The following DPH6 variants were observed in gnomAD, a reference collection of about 807,000 sequenced individuals.
DPH6 encodes diphthine--ammonia ligase.
DPH6 carries 33 observed loss-of-function variants against 38.2 expected under a neutral mutation model. That is an observed-to-expected ratio of 0.86 (90% CI 0.65 to 1.15). DPH6 has a LOEUF of 1.15. Among genes scored for constraint, DPH6 ranks in the 50% most tolerant of loss-of-function variants. DPH6 has a pLI of 0.00. For missense variants in DPH6, 325 were observed against 320.0 expected (o/e 1.02, Z -0.12); for synonymous variants, 108 against 103.0 (o/e 1.05, Z -0.30).
intron 3 of DPH6, chr15:35,238,241 G>A (rs1352773158): frequency 2.6e-6 from 1 of 387,760 alleles, no homozygotes; most frequent in Non-Finnish European, 4.6e-6. Flanking sequence ...GCGGGTGGGG[G>A]TGGAATAAAA....
At chr15:35,199,538 G>A in the DPH6 span, among the ~76,000 whole-genome samples, 1 of 152,148 alleles carries the variant, frequency 6.6e-6, no homozygotes, top group Admixed American at 6.5e-5. Flanking sequence ...TGAGACTACA[G>A]TTCATTTAAC....
chr15:35,545,679 A>T (rs1435406870), intron 1 of DPH6, among the ~76,000 whole-genome samples: 1 of 152,176 alleles, frequency 6.6e-6, no homozygotes, highest in Non-Finnish European at 1.5e-5. Flanking sequence ...GAAGAGGACG[A>T]AGAAAGCGAG....
At chr15:35,283,045 T>C (rs1435136826) in intron 3 of DPH6, 1 of 176,926 alleles carries the variant, frequency 5.7e-6, no homozygotes, top group Non-Finnish European at 1.2e-5. Context: ...CTTCTTCTTC[T>C]TCCTTCTTCT....
At chr15:35,214,929 G>A (rs1387370888), downstream of DPH6, among the ~76,000 whole-genome samples, 3 of 152,058 alleles carry the variant, frequency 2.0e-5, no homozygotes, top group South Asian at 4.1e-4. Flanking sequence ...TTCTTAATCG[G>A]TCCATCTGCT....
intron 3 of DPH6, among the ~76,000 whole-genome samples, chr15:35,492,187 T>C (rs1429885640): frequency 6.6e-6 from 1 of 152,146 alleles, no homozygotes; most frequent in Non-Finnish European, 1.5e-5. Flanking sequence ...GGAGGAATTC[T>C]GCTTTCACAT....
chr15:35,350,322 G>GTTTTTT (rs60012895), intron 3 of DPH6, among the ~76,000 whole-genome samples: 2 of 139,898 alleles, frequency 1.4e-5, no homozygotes, highest in African/African-American at 2.6e-5. Context: ...ACTGGAGTCT[G>GTTTTTT]TTTTTTTTTT....
intron 5 of DPH6, among the ~76,000 whole-genome samples, chr15:35,414,016 T>C (rs75700487): frequency 0.029 from 4,353 of 151,738 alleles, 118 homozygotes; most frequent in African/African-American, 0.067. Flanking sequence ...CAGAACTTAG[T>C]ATGTTTTAAC....
downstream of DPH6, chr15:35,330,700 T>C (rs1371603174): frequency 6.6e-6 from 1 of 152,188 alleles, no homozygotes; most frequent in African/African-American, 2.4e-5. Flanking sequence ...TTAGAATACG[T>C]TTCTGACACA....
At chr15:35,461,320 GCCTTGGCCTC>G (rs2141105453) in intron 3 of DPH6, among the ~76,000 whole-genome samples, 1 of 152,312 alleles carries the variant, frequency 6.6e-6, no homozygotes, top group East Asian at 1.9e-4. Flanking sequence ...TGATCCTCCT[GCCTTGGCCTC>G]CCAAAGTGCT....
intron 3 of DPH6, among the ~76,000 whole-genome samples, chr15:35,276,668 C>T (rs1314564355): frequency 4.6e-5 from 7 of 152,134 alleles, no homozygotes; most frequent in African/African-American, 1.7e-4. Flanking sequence ...TCAATTATCC[C>T]AGCACAATTT....
chr15:35,449,921 T>C (rs1349971), intron 5 of DPH6, among the ~76,000 whole-genome samples: 151,258 of 152,236 alleles, frequency 0.99, 75,151 homozygotes, highest in Middle Eastern at 1. Context: ...TTCAGAGATC[T>C]GCAAGGTAAA....
chr15:35,236,421 G>A (rs1415347346), intron 3 of DPH6, among the ~76,000 whole-genome samples: 2 of 152,118 alleles, frequency 1.3e-5, no homozygotes, highest in African/African-American at 4.8e-5. Flanking sequence ...GGCAGATCAC[G>A]AGGTCAGGAG....
intron 3 of DPH6, among the ~76,000 whole-genome samples, chr15:35,317,786 A>G (rs1328885242): frequency 6.6e-6 from 1 of 152,156 alleles, no homozygotes; most frequent in Non-Finnish European, 1.5e-5. Context: ...ATGGTAATAA[A>G]TAAAGTTAAA....
At chr15:35,345,575 C>A (rs1420544188) in intron 3 of DPH6, among the ~76,000 whole-genome samples, 1 of 151,794 alleles carries the variant, frequency 6.6e-6, no homozygotes, top group East Asian at 1.9e-4. Context: ...AATCTTGCAT[C>A]CCTAGAATAA....
At chr15:35,365,408 G>A (rs909461112) in intron 3 of DPH6, among the ~76,000 whole-genome samples, 1 of 152,074 alleles carries the variant, frequency 6.6e-6, no homozygotes, top group Non-Finnish European at 1.5e-5. Flanking sequence ...GTCAATAAAT[G>A]TGTTCTGAAT....
intron 5 of DPH6, among the ~76,000 whole-genome samples, chr15:35,438,607 A>G (rs537173746): frequency 2.8e-4 from 42 of 152,322 alleles, no homozygotes; most frequent in African/African-American, 9.6e-4. Context: ...AGAATATCCT[A>G]TAACTATTGG....
At chr15:35,452,708 T>C (rs1266477535) in intron 4 of DPH6, among the ~76,000 whole-genome samples, 1 of 152,172 alleles carries the variant, frequency 6.6e-6, no homozygotes, top group Non-Finnish European at 1.5e-5. Context: ...AAGCAGTTAA[T>C]AAATACAAAA....
chr15:35,406,377 T>C (rs1371020091), intron 6 of DPH6, among the ~76,000 whole-genome samples: 2 of 152,064 alleles, frequency 1.3e-5, no homozygotes, highest in Non-Finnish European at 2.9e-5. Context: ...GTTTAAATTT[T>C]ATTTTGAAGC....
At chr15:35,379,934 G>A (rs1384752734) in intron 7 of DPH6, among the ~76,000 whole-genome samples, 2 of 151,994 alleles carry the variant, frequency 1.3e-5, no homozygotes, top group African/African-American at 4.8e-5. Flanking sequence ...TCAGAAATGA[G>A]AAGGCAATCT....
Sources: allele counts gnomAD v4.1 joint callset (sites outside exome capture counted in the v4.1 genomes callset), GRCh38; gene constraint gnomAD v4.1.1; transcripts MANE v1.5; gene names NCBI Gene and HGNC (gene_info 2026-07-23, HGNC 2026-07-21).